NXN: variants seen among roughly 807,000 people sequenced by gnomAD.
NXN encodes nucleoredoxin.
Under a neutral mutation model 48.6 loss-of-function variants are expected in NXN, and 16 were observed. The ratio of observed to expected loss-of-function variants is 0.33; its 90% confidence interval spans 0.22 to 0.50. NXN has a LOEUF of 0.50. Among genes scored for constraint, NXN ranks in the 20% least tolerant of loss-of-function variants. The pLI is 0.98. For missense variants in NXN, 492 were observed against 605.5 expected, an observed-to-expected ratio of 0.81 and a Z score of 1.97; for synonymous variants, 281 against 269.6, an observed-to-expected ratio of 1.04 and a Z score of -0.41.
intron 5 of NXN, 39 bp downstream of exon 5, chr17:819,400 T>C: frequency 2.0e-6 from 3 of 1,484,656 alleles, no homozygotes; most frequent in Non-Finnish European, 2.8e-6. Flanking sequence ...GTGAGCAGGT[T>C]TCCAGGAGCC....
intron 6 of NXN, 114 bp downstream of exon 6, chr17:804,954 G>T: frequency 8.7e-7 from 1 of 1,151,734 alleles, no homozygotes; most frequent in Non-Finnish European, 1.3e-6. Context: ...CAAAGGCCCA[G>T]GCTTGCACTG....
chr17:879,363 C>T (rs1374263278), intron 1 of NXN, among the ~76,000 whole-genome samples: 1 of 150,376 alleles, frequency 6.6e-6, no homozygotes, highest in Non-Finnish European at 1.5e-5. Context: ...GATCTCAGCT[C>T]ACTATAGCCT....
chr17:814,895 A>G (rs1242208891), intron 5 of NXN, among the ~76,000 whole-genome samples: 2 of 152,158 alleles, frequency 1.3e-5, no homozygotes, highest in Non-Finnish European at 2.9e-5. Context: ...CCTCCCGAGT[A>G]GCTGGGATTA....
At chr17:964,168 G>T (rs989134803) in intron 1 of NXN, among the ~76,000 whole-genome samples, 2 of 152,176 alleles carry the variant, frequency 1.3e-5, no homozygotes, top group African/African-American at 4.8e-5. Context: ...CTGAGCAGAG[G>T]AATATAAATG....
chr17:868,648 C>G (rs532165906), intron 1 of NXN, among the ~76,000 whole-genome samples: 1 of 152,132 alleles, frequency 6.6e-6, no homozygotes, highest in Non-Finnish European at 1.5e-5. Flanking sequence ...CCCACCACCA[C>G]GCCCGGATCA....
intron 1 of NXN, among the ~76,000 whole-genome samples, chr17:912,473 C>T (rs1350103648): frequency 1.3e-5 from 2 of 152,146 alleles, no homozygotes; most frequent in South Asian, 2.1e-4. Flanking sequence ...ACCCCGTCTA[C>T]ATCCTTGCCA....
At chr17:955,461 T>C (rs66622521) in intron 1 of NXN, among the ~76,000 whole-genome samples, 150,989 of 151,564 alleles carry the variant, frequency 1, 75,211 homozygotes, top group Middle Eastern at 1. Context: ...TGAGACACTG[T>C]GCCTGGCCTC....
chr17:922,381 T>C (rs1030630036), intron 1 of NXN, among the ~76,000 whole-genome samples: 1 of 151,402 alleles, frequency 6.6e-6, no homozygotes, highest in African/African-American at 2.4e-5. Flanking sequence ...GAGGCAGAGG[T>C]TGTGGTGAGC....
In NXN at chr17:800,941, G is replaced by A; in HGVS notation, c.*8C>T. On this transcript the variant is annotated 3_prime_UTR_variant, in exon 8 of 8. Transcript: ENST00000336868. ...TTTTAAATAACGTCTCAGGAGGCCG[G>A]AGCCACGCTAGATGGGCTCCGGTTT... The A allele has an allele frequency of 1.4e-6, 2 of 1,435,610 alleles. No homozygotes were observed. The highest frequency in any genetic ancestry group is 2.5e-5 in the Admixed American group (1 of 39,938). 88.9% of individuals were successfully genotyped at this position (1,435,610 alleles called of 1,614,324 possible). A position where few individuals can be genotyped will look rare whatever the true frequency, so the allele number is the denominator to read the frequency against.
intron 5 of NXN, among the ~76,000 whole-genome samples, chr17:811,119 A>G (rs1911970027): frequency 6.6e-6 from 1 of 152,220 alleles, no homozygotes; most frequent in Non-Finnish European, 1.5e-5. Flanking sequence ...GAGGCGGAGA[A>G]GGCAGAGCGG....
intron 1 of NXN, among the ~76,000 whole-genome samples, chr17:951,565 G>A (rs931664872): frequency 1.3e-5 from 2 of 151,512 alleles, no homozygotes; most frequent in African/African-American, 2.4e-5. Context: ...AGCTGGGGGC[G>A]GGGGCGGGGG....
rs544790147 is a variant in NXN, at chr17:831,604, A to T, written c.361-5526T>A. ...AACCTCCACCTCCCAGGTTCAAGCA[A>T]TTCTCATGCTTCAGCCTCCTGAGTA... On this transcript the variant is annotated intron_variant, in intron 1 of 7. Coordinates refer to ENST00000336868, the MANE Select transcript of NXN (RefSeq NM_022463.5). Among the ~76,000 whole-genome samples, 6 of 152,004 alleles carry T rather than the reference A, an allele frequency of 3.9e-5. No homozygotes were observed. The East Asian group carries it at 1.2e-3, about 30-fold the overall frequency.
In NXN at chr17:919,632, C is replaced by A. The variant is rs1464717013; in HGVS notation, c.360+59687G>T. 6.6e-6 allele frequency among the ~76,000 whole-genome samples: 1 copy of A among 152,084 alleles called. No individual in the cohort carries two copies. The highest frequency in any genetic ancestry group is 2.4e-5 in the African/African-American group (1 of 41,400). Reference sequence around the variant, plus strand: ...AATCCCCGCATTCGTCCCACGCGGCCCTCAGACACGGGCTCTGGTTCAAGG... The same window carrying A: ...AATCCCCGCATTCGTCCCACGCGGCACTCAGACACGGGCTCTGGTTCAAGG... On this transcript the variant is annotated intron_variant, in intron 1 of 7. Transcript: ENST00000336868. The surrounding 1 kb of genome is among the most constrained non-coding windows in gnomAD (Gnocchi z 5.1).
chr17:805,020 T>TCCCCCCCCCCCCCCCCCCCACCCCC, intron 6 of NXN, 48 bp downstream of exon 6: 4 of 1,512,874 alleles, frequency 2.6e-6, no homozygotes, highest in Non-Finnish European at 2.7e-6. Flanking sequence ...GCCCCTCCTG[T>TCCCCCCCCCCCCCCCCCCCACCCCC]CCCGCCCCCC....
chr17:957,999 C>T (rs2150625472), intron 1 of NXN, among the ~76,000 whole-genome samples: 1 of 152,138 alleles, frequency 6.6e-6, no homozygotes, highest in East Asian at 1.9e-4. Flanking sequence ...GCACGGGCAG[C>T]CCCCATCACT....
At chr17:912,526 C>T (rs1235529237) in intron 1 of NXN, among the ~76,000 whole-genome samples, 2 of 152,074 alleles carry the variant, frequency 1.3e-5, no homozygotes. Context: ...GTTTAATAAT[C>T]ACATATTTCA....
rs931184988 is a variant in NXN, at chr17:897,150, T to C, written c.361-71072A>G. On this transcript the variant is annotated intron_variant, in intron 1 of 7. Coordinates refer to ENST00000336868, the MANE Select transcript of NXN (RefSeq NM_022463.5). Reference sequence around the variant, plus strand: ...GAGAAAGAAAACTACGTTCAGCTCCTGGCAGGTCCCAGGCAAGTCCGAGCC... The same window carrying C: ...GAGAAAGAAAACTACGTTCAGCTCCCGGCAGGTCCCAGGCAAGTCCGAGCC... 9.9e-6 allele frequency: 7 copies of C among 704,928 alleles called. No individual in the cohort carries two copies. In the South Asian group the frequency reaches 1.7e-4, roughly 17 times the overall value. 43.7% of individuals were successfully genotyped at this position (704,928 alleles called of 1,614,324 possible).
chr17:802,182 C>T (rs984240725), intron 7 of NXN, among the ~76,000 whole-genome samples: 4 of 152,008 alleles, frequency 2.6e-5, no homozygotes, highest in Non-Finnish European at 5.9e-5. Flanking sequence ...AGTGAAGTGG[C>T]GCAGTCATAG....
At chr17:944,649 C>A (rs1354390745) in intron 1 of NXN, among the ~76,000 whole-genome samples, 1 of 152,186 alleles carries the variant, frequency 6.6e-6, no homozygotes, top group Admixed American at 6.5e-5. Context: ...AGCAAGCCAG[C>A]CGGTAGGAGG....
Sources: gnomAD v4.1 joint callset for allele counts (sites outside exome capture counted in the v4.1 genomes callset) on GRCh38, gnomAD v4.1.1 for gene constraint, Gnocchi (gnomAD v3.1) non-coding constraint, MANE v1.5 for transcripts, NCBI Gene and HGNC (gene_info 2026-07-23, HGNC 2026-07-21) for gene names.